The following MARCHF1 variants were observed in gnomAD, a reference collection of about 807,000 sequenced individuals.
The protein encoded by MARCHF1 is E3 ubiquitin-protein ligase MARCHF1.
A neutral mutation model predicts 54.2 loss-of-function variants in MARCHF1; 40 were observed. The ratio of observed to expected loss-of-function variants is 0.74; its 90% CI spans 0.57 to 0.96. The LOEUF (loss-of-function observed/expected upper bound fraction) is 0.96. MARCHF1 is among the 40% of genes least tolerant of loss of function. MARCHF1 has a pLI of 0.00. For synonymous variants in MARCHF1, 236 were observed against 236.3 expected (o/e 1.00, Z 0.01); for missense variants, 586 against 656.5 (o/e 0.89, Z 1.17).
intron 1 of MARCHF1, among the ~76,000 whole-genome samples, chr4:164,181,865 C>G (rs537451442): frequency 9.9e-5 from 15 of 152,176 alleles, no homozygotes; most frequent in African/African-American, 3.6e-4. Flanking sequence ...AAGGACTATG[C>G]CACAGGTTCT....
chr4:163,734,657 A>C, intron 4 of MARCHF1, among the ~76,000 whole-genome samples: 1 of 152,128 alleles, frequency 6.6e-6, no homozygotes, highest in East Asian at 1.9e-4. Flanking sequence ...CAGATCAATA[A>C]TTGCCTGGGG....
chr4:164,180,758 T>G (rs546021424), intron 1 of MARCHF1, among the ~76,000 whole-genome samples: 1 of 152,294 alleles, frequency 6.6e-6, no homozygotes, highest in African/African-American at 2.4e-5. Context: ...TTGTAAGATT[T>G]AGTAAGTAAT....
chr4:163,900,569 C>T (rs1750918199), intron 3 of MARCHF1, among the ~76,000 whole-genome samples: 1 of 152,166 alleles, frequency 6.6e-6, no homozygotes, highest in South Asian at 2.1e-4. Context: ...AGTCTAATTA[C>T]TACTGATGTA....
At chr4:163,774,253 A>G (rs1325854644) in intron 4 of MARCHF1, among the ~76,000 whole-genome samples, 1 of 152,202 alleles carries the variant, frequency 6.6e-6, no homozygotes, top group Non-Finnish European at 1.5e-5. Flanking sequence ...GGAATAGTAA[A>G]AGAAAAACAT....
intron 2 of MARCHF1, among the ~76,000 whole-genome samples, chr4:164,000,801 T>C (rs1473648943): frequency 1.3e-5 from 2 of 151,752 alleles, no homozygotes; most frequent in East Asian, 1.9e-4. Flanking sequence ...TTTTCTTTCA[T>C]AGAAAAACAA....
At chr4:163,970,081 A>C (rs1417031091) in intron 3 of MARCHF1, among the ~76,000 whole-genome samples, 1 of 152,208 alleles carries the variant, frequency 6.6e-6, no homozygotes, top group Non-Finnish European at 1.5e-5. Flanking sequence ...TACAACCTCC[A>C]ATACAAGACA....
intron 1 of MARCHF1, among the ~76,000 whole-genome samples, chr4:164,277,760 G>A (rs1464227798): frequency 2.0e-5 from 3 of 152,208 alleles, no homozygotes; most frequent in Non-Finnish European, 4.4e-5. Context: ...TGAACTGTAA[G>A]TCTCCTGAAA....
chr4:163,601,870 CTAAATTAGAAAGTAATTTA>C (rs1466224094), intron 7 of MARCHF1, among the ~76,000 whole-genome samples: 1 of 151,590 alleles, frequency 6.6e-6, no homozygotes, highest in Non-Finnish European at 1.5e-5. Context: ...GACTGTTTAG[CTAAATTAGAAAGTAATTTA>C]TCAATCCAAT....
At chr4:163,894,908 T>TATATACATGCATGTGATGC (rs1750764600) in intron 3 of MARCHF1, among the ~76,000 whole-genome samples, 34 of 1,022 alleles carry the variant, frequency 0.033, 11 homozygotes, top group Admixed American at 0.079. Flanking sequence ...ATGTGATGCA[T>TATATACATGCATGTGATGC]ATATATATAT....
intron 3 of MARCHF1, among the ~76,000 whole-genome samples, chr4:163,895,904 C>A (rs1185630667): frequency 6.6e-6 from 1 of 152,074 alleles, no homozygotes; most frequent in Non-Finnish European, 1.5e-5. Context: ...CATGACCCCC[C>A]CACTGCCCCA....
chr4:164,102,044 C>A (rs1379760675), intron 2 of MARCHF1, among the ~76,000 whole-genome samples: 1 of 88,118 alleles, frequency 1.1e-5, no homozygotes, highest in Non-Finnish European at 2.3e-5. Flanking sequence ...TGAAATGAAA[C>A]GAGAAGGGAA....
intron 4 of MARCHF1, among the ~76,000 whole-genome samples, chr4:163,810,965 T>G (rs1253133236): frequency 1.3e-5 from 2 of 151,906 alleles, no homozygotes; most frequent in East Asian, 3.9e-4. Context: ...AATATTGCTG[T>G]TCGTGAGAGG....
intron 2 of MARCHF1, among the ~76,000 whole-genome samples, chr4:164,039,139 G>A (rs1754072291): frequency 6.6e-6 from 1 of 152,102 alleles, no homozygotes; most frequent in South Asian, 2.1e-4. Context: ...TAATCCATTA[G>A]TACCTAGTTC....
intron 2 of MARCHF1, among the ~76,000 whole-genome samples, chr4:164,043,490 G>A (rs1754172495): frequency 6.6e-6 from 1 of 152,092 alleles, no homozygotes; most frequent in African/African-American, 2.4e-5. Flanking sequence ...TCCTGAGGCT[G>A]AACAGAGCAG....
chr4:164,210,296 T>A (rs1731728545), intron 1 of MARCHF1, among the ~76,000 whole-genome samples: 1 of 152,094 alleles, frequency 6.6e-6, no homozygotes, highest in African/African-American at 2.4e-5. Flanking sequence ...ATTTTAGAGG[T>A]AAAATTGACA....
At chr4:163,821,264 G>A (rs912092635) in intron 4 of MARCHF1, among the ~76,000 whole-genome samples, 1 of 151,832 alleles carries the variant, frequency 6.6e-6, no homozygotes, top group Non-Finnish European at 1.5e-5. Context: ...TTTTCTAATT[G>A]TATTCACTTT....
At chr4:163,825,380 TGTG>T (rs1261592282) in intron 4 of MARCHF1, among the ~76,000 whole-genome samples, 1 of 152,078 alleles carries the variant, frequency 6.6e-6, no homozygotes, top group Non-Finnish European at 1.5e-5. Flanking sequence ...GCTTTGCTGT[TGTG>T]AATAGTGCTG....
chr4:164,023,156 C>A (rs1273713411), intron 2 of MARCHF1, among the ~76,000 whole-genome samples: 1 of 152,176 alleles, frequency 6.6e-6, no homozygotes, highest in African/African-American at 2.4e-5. Context: ...AGCAGGGCAT[C>A]CCTCCCAATG....
chr4:164,019,452 G>T (rs904775040), intron 2 of MARCHF1, among the ~76,000 whole-genome samples: 2 of 152,144 alleles, frequency 1.3e-5, no homozygotes, highest in African/African-American at 4.8e-5. Flanking sequence ...GTGAGATTCT[G>T]GGATGGGTTT....
Sources: allele counts gnomAD v4.1 joint callset (sites outside exome capture counted in the v4.1 genomes callset), GRCh38; gene constraint gnomAD v4.1.1; transcripts MANE v1.5; gene names NCBI Gene and HGNC (gene_info 2026-07-23, HGNC 2026-07-21).